The following CDH10 variants were observed in gnomAD, a reference collection of about 807,000 sequenced individuals.
CDH10 encodes cadherin-10.
In CDH10, 30 loss-of-function variants were observed where a neutral mutation model predicts 73.1. The observed-to-expected ratio is 0.41, with a 90% confidence interval of 0.31 to 0.56. CDH10 has a LOEUF of 0.56. Among genes scored for constraint, CDH10 ranks in the 20% least tolerant of loss-of-function variants. The pLI is 0.27. For synonymous variants in CDH10, 345 were observed against 348.2 expected (o/e 0.99, Z 0.10); for missense variants, 815 against 973.7 (o/e 0.84, Z 2.17).
At chr5:24,497,917 A>C (rs1384974399) in intron 9 of CDH10, among the ~76,000 whole-genome samples, 1 of 152,246 alleles carries the variant, frequency 6.6e-6, no homozygotes, top group African/African-American at 2.4e-5. Flanking sequence ...GAAATGCAAT[A>C]TGTAAGTCTA....
At chr5:24,590,119 A>T (rs906889030) in intron 2 of CDH10, among the ~76,000 whole-genome samples, 10 of 152,184 alleles carry the variant, frequency 6.6e-5, no homozygotes, top group Middle Eastern at 3.4e-3. Flanking sequence ...TGCATTTAAC[A>T]GAATGATTTA....
intron 1 of CDH10, among the ~76,000 whole-genome samples, chr5:24,642,808 T>G (rs1312794732): frequency 2.0e-5 from 3 of 151,788 alleles, no homozygotes; most frequent in East Asian, 3.9e-4. Context: ...TTGTTTGTTG[T>G]TTTTTTTCCC....
intron 5 of CDH10, among the ~76,000 whole-genome samples, chr5:24,533,435 G>A (rs886074702): frequency 1.3e-5 from 2 of 151,844 alleles, no homozygotes; most frequent in Non-Finnish European, 2.9e-5. Context: ...CGGAGTTGGA[G>A]GTAGATTTAA....
chr5:24,620,349 T>C (rs1374170894), intron 1 of CDH10, among the ~76,000 whole-genome samples: 1 of 152,152 alleles, frequency 6.6e-6, no homozygotes, highest in Non-Finnish European at 1.5e-5. Context: ...GCTCCCTCAA[T>C]AATTACATCT....
At chr5:24,545,266 C>A (rs1260142722) in intron 2 of CDH10, among the ~76,000 whole-genome samples, 1 of 152,120 alleles carries the variant, frequency 6.6e-6, no homozygotes, top group Non-Finnish European at 1.5e-5. Flanking sequence ...TTGGAGAAGT[C>A]TTCTTAAGAA....
chr5:24,497,523 T>C lies in CDH10; in HGVS notation c.1515+875A>G, dbSNP rs545663606. Among the ~76,000 whole-genome samples, 5 of 152,328 alleles carry C rather than the reference T, an allele frequency of 3.3e-5. No individual in the cohort carries two copies. In the South Asian group the frequency reaches 1.0e-3, roughly 32 times the overall value. On this transcript the variant is annotated intron_variant, in intron 9 of 11. Transcript: ENST00000264463. ...CCATATTCAAACAACAGACAGGCTA[T>C]TGAATTCTTGTTAGAATCTTCAAAA...
chr5:24,576,152 G>C (rs1745591175), intron 2 of CDH10, among the ~76,000 whole-genome samples: 1 of 151,886 alleles, frequency 6.6e-6, no homozygotes, highest in Non-Finnish European at 1.5e-5. Context: ...TTTTCTATGT[G>C]ATAATCTCTC....
chr5:24,608,943 A>G (rs533382983), intron 1 of CDH10, among the ~76,000 whole-genome samples: 1 of 152,324 alleles, frequency 6.6e-6, no homozygotes, highest in South Asian at 2.1e-4. Context: ...TTAACTTAAC[A>G]TTATTCTTTG....
intron 1 of CDH10, among the ~76,000 whole-genome samples, chr5:24,618,373 C>G (rs1579476177): frequency 2.6e-5 from 4 of 152,252 alleles, no homozygotes; most frequent in South Asian, 4.1e-4. Context: ...GTTTCATTGC[C>G]ATTTGTTTTT....
At chr5:24,535,559 G>A (rs1260168203) in intron 4 of CDH10, 144 bp downstream of exon 4, 37 of 769,392 alleles carry the variant, frequency 4.8e-5, no homozygotes, top group Non-Finnish European at 6.8e-5. Flanking sequence ...ATTTAACTTT[G>A]AGTTCTTATA....
rs78315727 is a variant in CDH10, at chr5:24,498,620, A to G, written c.1394-101T>C. 3.6e-4 allele frequency: 256 copies of G among 710,636 alleles called. 2 individuals carry two copies. The East Asian group carries it at 5.8e-3, about 16-fold the overall frequency. The allele number at this position is 710,636 out of a possible 1,614,324, so 44.0% of individuals were successfully genotyped here. On this transcript the variant is annotated intron_variant, in intron 8 of 11. Coordinates refer to ENST00000264463, the MANE Select transcript of CDH10 (RefSeq NM_006727.5). The stretch of plus-strand genomic sequence containing the variant: ...GGGTATGAAGTGCTCACATACAAAT[A>G]AGCATTGCAATCATTCTACTAATAT...
chr5:24,524,537 G>A (rs913116375), intron 5 of CDH10, among the ~76,000 whole-genome samples: 3 of 152,010 alleles, frequency 2.0e-5, no homozygotes, highest in Non-Finnish European at 2.9e-5. Flanking sequence ...TATGTGGTAC[G>A]CTTTCCTATC....
chr5:24,577,437 A>G (rs1396474704), intron 2 of CDH10, among the ~76,000 whole-genome samples: 1 of 152,130 alleles, frequency 6.6e-6, no homozygotes, highest in Non-Finnish European at 1.5e-5. Context: ...ATTTTCCATC[A>G]CTCTTTATTA....
At chr5:24,536,438 T>C (rs1304281498) in intron 3 of CDH10, among the ~76,000 whole-genome samples, 1 of 152,024 alleles carries the variant, frequency 6.6e-6, no homozygotes, top group East Asian at 1.9e-4. Context: ...TTGAGAAATG[T>C]AGAGTCTGAA....
chr5:24,548,527 C>A (rs1744427760), intron 2 of CDH10, among the ~76,000 whole-genome samples: 1 of 142,910 alleles, frequency 7.0e-6, no homozygotes, highest in Admixed American at 7.4e-5. Context: ...GCTTTTAAGG[C>A]CTTCAACTGA....
In CDH10 at chr5:24,489,604, C is replaced by A. The variant is rs1443381793; in HGVS notation, c.1877-1451G>T. 3.3e-5 allele frequency among the ~76,000 whole-genome samples: 5 copies of A among 152,042 alleles called. No homozygotes were observed. In the South Asian group the frequency reaches 1.0e-3, roughly 31 times the overall value. ...AGGATAATGACAACTTATTACAATT[C>A]GCTCCAAGTCCAAGTTCATTTCCCT... On this transcript the variant is annotated intron_variant, in intron 11 of 11. Transcript: ENST00000264463.
In CDH10 at chr5:24,519,743, T is replaced by C. The variant is rs13159513; in HGVS notation, c.815-8229A>G. Among the ~76,000 whole-genome samples, 532 of 152,326 alleles carry C rather than the reference T, an allele frequency of 3.5e-3. 8 individuals carry two copies. The highest frequency in any genetic ancestry group is 6.8e-3 in the Middle Eastern group (2 of 294). On this transcript the variant is annotated intron_variant, in intron 5 of 11. Transcript: ENST00000264463. Reference sequence around the variant, plus strand: ...TAGAATAAAAACTATTATGTAGAATTGATGGATGTTATATTTGACACAATG... The same window carrying C: ...TAGAATAAAAACTATTATGTAGAATCGATGGATGTTATATTTGACACAATG...
rs756773981 is a variant in CDH10, at chr5:24,511,410, G to T, written c.919C>A (p.Arg307=). ...DTGKNAEVEY[R]IIDGDGTDMF... The stretch of plus-strand genomic sequence containing the variant: ...TCAGTACCGTCACCATCAATAATTC[G>T]GTATTCTACTTCAGCATTTTTCCCA... The change falls in exon 6 of 12, where the codon CGA becomes AGA. Residue 307 remains arginine (R), a synonymous_variant. Transcript: ENST00000264463. 3 of 1,610,958 alleles carry T rather than the reference G, an allele frequency of 1.9e-6. No homozygotes were observed. The highest frequency in any genetic ancestry group is 2.5e-6 in the Non-Finnish European group (3 of 1,177,244).
chr5:24,538,193 AT>A (rs1480730155), intron 2 of CDH10, among the ~76,000 whole-genome samples: 17 of 152,070 alleles, frequency 1.1e-4, no homozygotes, highest in Non-Finnish European at 2.9e-5. Context: ...AACATACATT[AT>A]TTTTTGGTTT....
Sources: gnomAD v4.1 joint callset for allele counts (sites outside exome capture counted in the v4.1 genomes callset) on GRCh38, gnomAD v4.1.1 for gene constraint, MANE v1.5 for transcripts, NCBI Gene and HGNC (gene_info 2026-07-23, HGNC 2026-07-21) for gene names.